GPHN: variants seen among roughly 807,000 people sequenced by gnomAD.
GPHN encodes gephyrin.
In GPHN, 17 loss-of-function variants were observed where a neutral mutation model predicts 95.5. The observed-to-expected ratio is 0.18, with a 90% confidence interval of 0.12 to 0.27. The LOEUF is 0.27. Among genes scored for constraint, GPHN ranks in the 10% least tolerant of loss-of-function variants. GPHN has a pLI of 1.00. For synonymous variants in GPHN, 320 were observed against 322.5 expected (o/e 0.99, Z 0.08); for missense variants, 660 against 978.1 (o/e 0.67, Z 4.34).
intron 9 of GPHN, among the ~76,000 whole-genome samples, chr14:66,984,372 A>G (rs1008823289): frequency 2.6e-5 from 4 of 152,210 alleles, no homozygotes; most frequent in African/African-American, 9.6e-5. Context: ...CATTGTTTCT[A>G]AATTTGACAA....
intron 2 of GPHN, among the ~76,000 whole-genome samples, chr14:66,683,370 A>G (rs370627376): frequency 1.6e-4 from 4 of 24,696 alleles, no homozygotes; most frequent in Admixed American, 3.8e-4. Flanking sequence ...ATATATATAT[A>G]TATATATATG....
chr14:66,565,194 G>A (rs1238935888), intron 1 of GPHN, among the ~76,000 whole-genome samples: 1 of 152,146 alleles, frequency 6.6e-6, no homozygotes, highest in African/African-American at 2.4e-5. Flanking sequence ...ATTTTGTTTT[G>A]TAGGAGAGAT....
In GPHN at chr14:66,652,784, G is replaced by T. The variant is rs1019236951; in HGVS notation, c.65-28323G>T. ...GAGAGAGAAGCATACAGATCAGACA[G>T]ACTCCTATCCTGCAGGAAAGGTAGC... On this transcript the variant is annotated intron_variant, in intron 1 of 22. Coordinates refer to ENST00000478722, the MANE Select transcript of GPHN (RefSeq NM_020806.5). Among the ~76,000 whole-genome samples, 5 of 152,214 alleles carry T rather than the reference G, an allele frequency of 3.3e-5. No homozygotes were observed. The South Asian group carries it at 1.0e-3, about 32-fold the overall frequency.
chr14:67,115,807 A>G (rs573761171), intron 16 of GPHN, among the ~76,000 whole-genome samples: 10 of 152,124 alleles, frequency 6.6e-5, no homozygotes, highest in Non-Finnish European at 1.0e-4. Context: ...ATTGGTAAGC[A>G]GGACAGTTGC....
chr14:67,002,681 AGG>A (rs2072317114), intron 9 of GPHN, among the ~76,000 whole-genome samples: 1 of 151,468 alleles, frequency 6.6e-6, no homozygotes, highest in Non-Finnish European at 1.5e-5. Context: ...CCTGTAAAAT[AGG>A]AATGATACCA....
the GPHN span, among the ~76,000 whole-genome samples, chr14:67,627,155 T>A: frequency 6.6e-6 from 1 of 151,924 alleles, no homozygotes; most frequent in African/African-American, 2.4e-5. Flanking sequence ...TTCTTGAATA[T>A]ATTAGAAAGC....
In GPHN at chr14:67,181,625, T is replaced by G. The variant is rs1595523518; in HGVS notation, c.*688T>G. The G allele has an allele frequency of 8.7e-6, 3 of 345,046 alleles. No homozygotes were observed. Among genetic ancestry groups the G allele is most frequent in the East Asian group, 1.1e-4 (2 of 17,440 alleles). The allele number at this position is 345,046 out of a possible 1,614,324, so 21.4% of individuals were successfully genotyped here. ...CCTTTTTAACCAATACATTTAAAAT[T>G]GTACAGAACAAAAAAATAAAATCAA... is the stretch of plus-strand genomic sequence containing the variant. On this transcript the variant is annotated 3_prime_UTR_variant, in exon 23 of 23. Coordinates refer to ENST00000478722, the MANE Select transcript of GPHN (RefSeq NM_020806.5).
chr14:67,269,276 A>AT, the GPHN span, among the ~76,000 whole-genome samples: 2 of 151,872 alleles, frequency 1.3e-5, no homozygotes, highest in African/African-American at 4.8e-5. Flanking sequence ...GAACATTTGG[A>AT]TTTTTTCTAC....
intron 1 of GPHN, among the ~76,000 whole-genome samples, chr14:66,570,882 T>C (rs1369249750): frequency 6.6e-6 from 1 of 152,212 alleles, no homozygotes; most frequent in Non-Finnish European, 1.5e-5. Flanking sequence ...GGAGCATTTT[T>C]TCATATACCT....
At chr14:67,118,164 A>G (rs998628038) in intron 16 of GPHN, among the ~76,000 whole-genome samples, 2 of 152,232 alleles carry the variant, frequency 1.3e-5, no homozygotes, top group East Asian at 3.8e-4. Flanking sequence ...GTTAGTTAAC[A>G]TGTATACCTC....
At chr14:67,607,565 C>G in the GPHN span, among the ~76,000 whole-genome samples, 42 of 152,156 alleles carry the variant, frequency 2.8e-4, no homozygotes, top group Admixed American at 4.6e-4. Flanking sequence ...TGGGGTTTCA[C>G]CATGTTGGCC....
intron 1 of GPHN, among the ~76,000 whole-genome samples, chr14:66,618,166 A>G (rs1436110717): frequency 6.6e-6 from 1 of 152,200 alleles, no homozygotes; most frequent in Non-Finnish European, 1.5e-5. Context: ...TTGAGTGAAT[A>G]TCCTTGGTTA....
At chr14:66,645,691 C>CA (rs35278627) in intron 1 of GPHN, among the ~76,000 whole-genome samples, 33,401 of 108,740 alleles carry the variant, frequency 0.31, 7,082 homozygotes, top group African/African-American at 0.62. Context: ...GACTCCATTT[C>CA]AAAAAAAAAA....
the GPHN span, among the ~76,000 whole-genome samples, chr14:67,467,498 C>G: frequency 6.6e-6 from 1 of 152,118 alleles, no homozygotes; most frequent in Non-Finnish European, 1.5e-5. Context: ...AGGCTAAACT[C>G]AGCATTGGTA....
chr14:67,575,745 G>A, the GPHN span: 78 of 1,070,938 alleles, frequency 7.3e-5, no homozygotes, highest in South Asian at 8.7e-4. Context: ...CCAGCTTCAC[G>A]GAGCCTATGT....
At chr14:67,643,997 A>C in the GPHN span, among the ~76,000 whole-genome samples, 1 of 152,022 alleles carries the variant, frequency 6.6e-6, no homozygotes, top group Non-Finnish European at 1.5e-5. Context: ...TAGTCTCTGG[A>C]AATTTATTAA....
chr14:67,332,910 A>G, the GPHN span: 12 of 1,613,870 alleles, frequency 7.4e-6, no homozygotes, highest in Admixed American at 5.0e-5. Context: ...TTAATTAACA[A>G]ACTTGATACT....
chr14:66,508,284 T>C lies in GPHN; in HGVS notation c.-244T>C. On this transcript the variant is annotated 5_prime_UTR_variant, in exon 1 of 23. Coordinates refer to ENST00000478722, the MANE Select transcript of GPHN (RefSeq NM_020806.5). ...CGCGCCCCCCAAGCTTGCCTCCTTCTTGCCGGACTTGGGGCCGCGCGCCCT... is the reference window on the plus strand; with the variant it reads ...CGCGCCCCCCAAGCTTGCCTCCTTCCTGCCGGACTTGGGGCCGCGCGCCCT... The C allele has an allele frequency of 1.7e-6, 1 of 581,440 alleles. No homozygotes were observed. The highest frequency in any genetic ancestry group is 3.1e-6 in the Non-Finnish European group (1 of 326,156). 36.0% of individuals were successfully genotyped at this position (581,440 alleles called of 1,614,324 possible).
At chr14:67,668,136 T>A in the GPHN span, among the ~76,000 whole-genome samples, 1 of 152,204 alleles carries the variant, frequency 6.6e-6, no homozygotes, top group Non-Finnish European at 1.5e-5. Context: ...AAACTTTCAA[T>A]ATTTTTATGA....
Sources: allele counts gnomAD v4.1 joint callset (sites outside exome capture counted in the v4.1 genomes callset), GRCh38; gene constraint gnomAD v4.1.1; transcripts MANE v1.5; gene names NCBI Gene and HGNC (gene_info 2026-07-23, HGNC 2026-07-21).